The following MAGI1 variants were observed in gnomAD, a reference collection of about 807,000 sequenced individuals.
MAGI1 encodes the protein membrane associated guanylate kinase, WW and PDZ domain containing 1.
A neutral mutation model predicts 139.9 loss-of-function variants in MAGI1; 58 were observed. The observed-to-expected ratio is 0.41, with a 90% CI of 0.34 to 0.52. MAGI1 has a LOEUF of 0.52. Ranked by LOEUF, MAGI1 falls within the 20% of genes least tolerant of loss-of-function variation. MAGI1 has a pLI of 0.12. For synonymous variants in MAGI1, 812 were observed against 737.9 expected, an observed-to-expected ratio of 1.10 and a Z score of -1.63; for missense variants, 1,874 against 1,901.6, an observed-to-expected ratio of 0.99 and a Z score of 0.27.
intron 1 of MAGI1, among the ~76,000 whole-genome samples, chr3:65,982,313 T>C (rs942199420): frequency 2.0e-5 from 3 of 152,208 alleles, no homozygotes; most frequent in African/African-American, 7.2e-5. Context: ...TGGCCGACAT[T>C]TGGGCATGCC....
At chr3:65,874,867 A>G (rs2060059989) in intron 1 of MAGI1, 1 of 152,632 alleles carries the variant, frequency 6.6e-6, no homozygotes, top group Non-Finnish European at 1.5e-5. Flanking sequence ...ATGTCCTTCA[A>G]CTGATGAATG....
intron 2 of MAGI1, among the ~76,000 whole-genome samples, chr3:65,579,839 C>A (rs2108116043): frequency 8.0e-6 from 1 of 125,442 alleles, no homozygotes. Flanking sequence ...AAGAGCGAAA[C>A]TCCATCTCAA....
At chr3:65,745,739 TC>T (rs147195243) in intron 1 of MAGI1, among the ~76,000 whole-genome samples, 1 of 152,086 alleles carries the variant, frequency 6.6e-6, no homozygotes, top group African/African-American at 2.4e-5. Flanking sequence ...CTTTTGTTTT[TC>T]CCCCCTTGAG....
At chr3:65,381,072 G>T (rs992321080) in intron 16 of MAGI1, among the ~76,000 whole-genome samples, 4 of 152,040 alleles carry the variant, frequency 2.6e-5, no homozygotes, top group Admixed American at 2.0e-4. Context: ...CTGCACTCTG[G>T]GTTCTGCCTT....
At chr3:65,446,231 G>A (rs990161594) in intron 7 of MAGI1, among the ~76,000 whole-genome samples, 1 of 152,282 alleles carries the variant, frequency 6.6e-6, no homozygotes, top group Admixed American at 6.5e-5. Context: ...GCTGATCACA[G>A]GGACAAATAT....
chr3:65,876,997 C>A (rs2060142789), intron 1 of MAGI1, among the ~76,000 whole-genome samples: 2 of 152,180 alleles, frequency 1.3e-5, no homozygotes, highest in African/African-American at 4.8e-5. Flanking sequence ...CCCGCCTCGG[C>A]CTCCCAAAGT....
chr3:65,856,755 G>A (rs902289817), intron 1 of MAGI1, among the ~76,000 whole-genome samples: 12 of 152,178 alleles, frequency 7.9e-5, no homozygotes, highest in African/African-American at 2.9e-4. Context: ...GAAGTTGGGA[G>A]CTGATGGTCT....
In MAGI1 at chr3:65,619,935, A is replaced by AG. The variant is rs769654169; in HGVS notation, c.430+2036dup. On this transcript the variant is annotated intron_variant, in intron 2 of 22. Transcript: ENST00000402939. Reference sequence around the variant, plus strand: ...TCACAGCCATAAAACATCAATGCCAAGGGGCTTTATACCAGCAAAAACAAA... The same window carrying AG: ...TCACAGCCATAAAACATCAATGCCAAGGGGGCTTTATACCAGCAAAAACAAA... 672 of 985,268 alleles carry AG rather than the reference A, an allele frequency of 6.8e-4. 1 individual carries two copies. The highest frequency in any genetic ancestry group is 7.7e-4 in the Non-Finnish European group (638 of 829,918). The allele number at this position is 985,268 out of a possible 1,614,324, so 61.0% of individuals were successfully genotyped here.
chr3:65,819,981 T>C (rs199932498), intron 1 of MAGI1, among the ~76,000 whole-genome samples: 1 of 77,120 alleles, frequency 1.3e-5, no homozygotes, highest in Non-Finnish European at 2.8e-5. Flanking sequence ...ATCTTTATAT[T>C]AAGCAAATAT....
At position 65,379,304 on chromosome 3, in the gene MAGI1, G is replaced by A. The variant is rs1247831792; in HGVS notation, c.2952C>T (p.Val984=). 2 of 1,613,262 alleles carry A rather than the reference G, an allele frequency of 1.2e-6. No homozygotes were observed. Among genetic ancestry groups the A allele is most frequent in the African/African-American group, 2.7e-5 (2 of 74,886 alleles). ...RRGENEGFGF[V]IVSSVSRPEA... is the part of the protein sequence containing the mutation. ...CGGGCCTGCTCACCGAGGACACGATGACGAAGCCGAAGCCCTCGTTCTCCC... is the reference window on the plus strand; with the variant it reads ...CGGGCCTGCTCACCGAGGACACGATAACGAAGCCGAAGCCCTCGTTCTCCC... The change falls in exon 17 of 23, where the codon GTC becomes GTT. Residue 984 remains valine, a synonymous_variant. Coordinates refer to ENST00000402939, the MANE Select transcript of MAGI1 (RefSeq NM_001033057.2).
At chr3:65,399,203 A>C (rs1250107831) in intron 13 of MAGI1, among the ~76,000 whole-genome samples, 4 of 152,200 alleles carry the variant, frequency 2.6e-5, no homozygotes, top group Non-Finnish European at 5.9e-5. Flanking sequence ...TTAATTATGC[A>C]TCCTGCATAA....
At chr3:65,712,523 T>C (rs71306775) in intron 1 of MAGI1, among the ~76,000 whole-genome samples, 2 of 151,946 alleles carry the variant, frequency 1.3e-5, no homozygotes. Flanking sequence ...GTTGTTGTTG[T>C]TGTTGTTGAG....
At chr3:65,442,212 T>C (rs142313890) in intron 8 of MAGI1, among the ~76,000 whole-genome samples, 1 of 152,254 alleles carries the variant, frequency 6.6e-6, no homozygotes, top group Non-Finnish European at 1.5e-5. Flanking sequence ...ACGAGGGTTT[T>C]AGACTTTTAA....
At chr3:65,981,257 T>C (rs2065565904) in intron 1 of MAGI1, among the ~76,000 whole-genome samples, 1 of 152,234 alleles carries the variant, frequency 6.6e-6, no homozygotes, top group South Asian at 2.1e-4. Context: ...TTAGCTTCTA[T>C]ATTGGATAGC....
At chr3:65,382,132 C>G in intron 15 of MAGI1, 63 bp from the exon 16 acceptor site, 2 of 1,315,110 alleles carry the variant, frequency 1.5e-6, no homozygotes, top group South Asian at 2.8e-5. Context: ...ACATCAATAG[C>G]CTTCACATCT....
At chr3:65,943,998 T>C (rs1201564089) in intron 1 of MAGI1, among the ~76,000 whole-genome samples, 5 of 152,206 alleles carry the variant, frequency 3.3e-5, no homozygotes, top group Non-Finnish European at 4.4e-5. Context: ...CCAATTTTCA[T>C]ATTTCTCAAA....
chr3:65,378,664 TTTTC>T, intron 17 of MAGI1, among the ~76,000 whole-genome samples: 1 of 151,408 alleles, frequency 6.6e-6, no homozygotes, highest in East Asian at 2.0e-4. Context: ...TTCAAATTTC[TTTTC>T]TTTCCTTTCC....
chr3:65,808,345 T>A (rs2041010013), intron 1 of MAGI1, among the ~76,000 whole-genome samples: 1 of 151,486 alleles, frequency 6.6e-6, no homozygotes, highest in South Asian at 2.1e-4. Context: ...TATTAAAAAA[T>A]ACAAAAAGGC....
chr3:66,035,207 T>C (rs2068850338), intron 1 of MAGI1, among the ~76,000 whole-genome samples: 1 of 152,210 alleles, frequency 6.6e-6, no homozygotes, highest in Non-Finnish European at 1.5e-5. Flanking sequence ...TCCATTGAGT[T>C]TGATTCCTGC....
Sources: allele counts gnomAD v4.1 joint callset (sites outside exome capture counted in the v4.1 genomes callset), GRCh38; gene constraint gnomAD v4.1.1; transcripts MANE v1.5; gene names NCBI Gene and HGNC (gene_info 2026-07-23, HGNC 2026-07-21).